Variants in CHSY3 observed in about 807,000 individuals in gnomAD.
CHSY3 encodes chondroitin sulfate synthase 3.
Under a neutral mutation model 67.2 loss-of-function variants are expected in CHSY3, and 35 were observed. The observed-to-expected ratio is 0.52, with a 90% CI of 0.40 to 0.69. The LOEUF (loss-of-function observed/expected upper bound fraction) is 0.69, where lower values mean the gene tolerates loss of function less well. Ranked by LOEUF, CHSY3 falls within the 30% of genes least tolerant of loss-of-function variation. The pLI is 0.00. For synonymous variants in CHSY3, 474 were observed against 434.7 expected, an observed-to-expected ratio of 1.09 and a Z score of -1.12; for missense variants, 1,069 against 1,138.5, an observed-to-expected ratio of 0.94 and a Z score of 0.88.
intron 2 of CHSY3, among the ~76,000 whole-genome samples, chr5:129,970,471 G>A (rs1229803627): frequency 6.6e-6 from 1 of 151,584 alleles, no homozygotes; most frequent in Admixed American, 6.6e-5. Flanking sequence ...GTGCTTTTGA[G>A]TTGAAAATGT....
chr5:130,104,245 A>C (rs1767345279), intron 2 of CHSY3, among the ~76,000 whole-genome samples: 1 of 152,010 alleles, frequency 6.6e-6, no homozygotes, highest in East Asian at 1.9e-4. Flanking sequence ...AAAATTTCTC[A>C]GAGGATTAAA....
intron 2 of CHSY3, among the ~76,000 whole-genome samples, chr5:129,958,571 C>T (rs913275620): frequency 3.9e-5 from 6 of 152,050 alleles, no homozygotes; most frequent in Non-Finnish European, 7.4e-5. Flanking sequence ...TGCTCTGTTA[C>T]CCAGCCTGGA....
chr5:130,099,993 CA>C (rs58827394), intron 2 of CHSY3, among the ~76,000 whole-genome samples: 31,457 of 142,810 alleles, frequency 0.22, 4,222 homozygotes, highest in East Asian at 0.38. Flanking sequence ...GTAGTGACTA[CA>C]AAAAAAAAAT....
intron 2 of CHSY3, among the ~76,000 whole-genome samples, chr5:130,058,106 G>C (rs2149675068): frequency 6.6e-6 from 1 of 152,114 alleles, no homozygotes; most frequent in Admixed American, 6.5e-5. Context: ...TACCACTGCT[G>C]TCATGACTCT....
intron 2 of CHSY3, among the ~76,000 whole-genome samples, chr5:130,052,959 T>G (rs534681465): frequency 3.3e-5 from 5 of 152,106 alleles, no homozygotes. Flanking sequence ...ATACAAAAAC[T>G]TAATAATTAT....
intron 2 of CHSY3, among the ~76,000 whole-genome samples, chr5:129,924,599 T>C (rs1356353579): frequency 6.7e-6 from 1 of 148,418 alleles, no homozygotes; most frequent in Non-Finnish European, 1.5e-5. Context: ...TGAGCCGAGA[T>C]CATGCCACTG....
At chr5:130,181,743 A>G (rs1162432661) in intron 2 of CHSY3, among the ~76,000 whole-genome samples, 4 of 152,164 alleles carry the variant, frequency 2.6e-5, no homozygotes, top group Non-Finnish European at 5.9e-5. Flanking sequence ...CAAACCATAT[A>G]GGTTAGCTTT....
At chr5:129,994,442 C>G (rs1376210649) in intron 2 of CHSY3, among the ~76,000 whole-genome samples, 3 of 152,120 alleles carry the variant, frequency 2.0e-5, no homozygotes, top group Non-Finnish European at 4.4e-5. Context: ...AACTTCTCTT[C>G]TCTCTTCATT....
At chr5:129,911,576 G>A (rs545922581) in intron 2 of CHSY3, among the ~76,000 whole-genome samples, 184 of 152,196 alleles carry the variant, frequency 1.2e-3, no homozygotes, top group Admixed American at 3.9e-4. Context: ...TAGATATCAC[G>A]TACTATATTA....
intron 2 of CHSY3, among the ~76,000 whole-genome samples, chr5:130,101,437 TATAAG>T (rs756614045): frequency 4.3e-4 from 65 of 152,272 alleles, no homozygotes; most frequent in South Asian, 6.2e-4. Flanking sequence ...CAGTTAAGAC[TATAAG>T]ATATTTTTCA....
chr5:130,015,806 A>G (rs4836487), intron 2 of CHSY3, among the ~76,000 whole-genome samples: 49,515 of 152,048 alleles, frequency 0.33, 8,277 homozygotes, highest in South Asian at 0.44. Flanking sequence ...TGCACTAGTC[A>G]CCACAGCAAA....
At chr5:130,178,169 G>A (rs1213983248) in intron 2 of CHSY3, among the ~76,000 whole-genome samples, 2 of 115,702 alleles carry the variant, frequency 1.7e-5, no homozygotes, top group Non-Finnish European at 3.5e-5. Context: ...AGTATTATAT[G>A]TATATATATG....
At chr5:129,909,059 G>A (rs1047604713) in intron 2 of CHSY3, among the ~76,000 whole-genome samples, 1 of 152,080 alleles carries the variant, frequency 6.6e-6, no homozygotes, top group African/African-American at 2.4e-5. Flanking sequence ...TTCTGAAAAG[G>A]AACCATTATT....
chr5:129,923,443 C>T (rs1179076261), intron 2 of CHSY3, among the ~76,000 whole-genome samples: 2 of 151,694 alleles, frequency 1.3e-5, no homozygotes, highest in East Asian at 3.9e-4. Context: ...ATCTAATATG[C>T]CAGGCACTGT....
intron 2 of CHSY3, among the ~76,000 whole-genome samples, chr5:129,919,379 CAG>C (rs1180330240): frequency 6.6e-6 from 1 of 152,098 alleles, no homozygotes; most frequent in Non-Finnish European, 1.5e-5. Flanking sequence ...CAGTTGCACT[CAG>C]TGGACATAGT....
At chr5:129,955,070 T>C (rs1762132220) in intron 2 of CHSY3, among the ~76,000 whole-genome samples, 1 of 152,146 alleles carries the variant, frequency 6.6e-6, no homozygotes, top group African/African-American at 2.4e-5. Context: ...GTTTTCACCA[T>C]GTTGCCCAGG....
In CHSY3 at chr5:130,185,211, C is replaced by T. The variant is rs1770379849; in HGVS notation, c.2069C>T (p.Pro690Leu). Residue 690 changes from proline to leucine, a missense_variant, in exon 3 of 3, where the codon CCA becomes CTA. This residue lies in a region of CHSY3 where 401 missense variants were observed against 395.2 expected (regional missense o/e 1.01). Coordinates refer to ENST00000305031, the MANE Select transcript of CHSY3 (RefSeq NM_175856.5). ...CCCAAAGCAGAAATGACCCTGATCC[C>T]AATGAAGGGAGAGTTTTCCAGAGGT... ...KYPKAEMTLI[P>L]MKGEFSRGLG... 5.6e-6 allele frequency: 9 copies of T among 1,609,000 alleles called. No individual in the cohort carries two copies. The highest frequency in any genetic ancestry group is 7.7e-6 in the Non-Finnish European group (9 of 1,175,510).
chr5:130,071,537 T>TTGTGTGTGTG (rs3065054), intron 2 of CHSY3, among the ~76,000 whole-genome samples: 21 of 141,892 alleles, frequency 1.5e-4, no homozygotes, highest in East Asian at 6.4e-4. Context: ...TAGTAGTTCA[T>TTGTGTGTGTG]TGTGTGTGTG....
At chr5:129,920,631 T>C (rs555102948) in intron 2 of CHSY3, among the ~76,000 whole-genome samples, 5 of 152,292 alleles carry the variant, frequency 3.3e-5, no homozygotes, top group African/African-American at 1.2e-4. Flanking sequence ...ACATTTCTCA[T>C]TGTCTTCTAT....
Sources: allele counts gnomAD v4.1 joint callset (sites outside exome capture counted in the v4.1 genomes callset), GRCh38; gene constraint gnomAD v4.1.1; regional missense constraint gnomAD v4.1.1; transcripts MANE v1.5; gene names NCBI Gene and HGNC (gene_info 2026-07-23, HGNC 2026-07-21).